Variants in MED14 observed in about 807,000 individuals in gnomAD.
MED14 encodes the protein mediator complex subunit 14.
A neutral mutation model predicts 109.0 loss-of-function variants in MED14; 8 were observed. The observed-to-expected ratio is 0.07, with a 90% confidence interval of 0.04 to 0.13. MED14 has a LOEUF of 0.13. Among genes scored for constraint, MED14 ranks in the 10% least tolerant of loss-of-function variants. The pLI, the probability that MED14 is intolerant of heterozygous loss-of-function variation, is 1.00. For missense variants in MED14, 711 were observed against 1,142.4 expected (o/e 0.62, Z 5.44); for synonymous variants, 399 against 408.7 (o/e 0.98, Z 0.29).
chrX:40,734,352 G>A (rs923428669), intron 1 of MED14, among the ~76,000 whole-genome samples: 2 of 112,381 alleles, frequency 1.8e-5, no homozygotes, highest in Non-Finnish European at 3.8e-5. Flanking sequence ...CTGCAAACAA[G>A]TATCTGTTAT....
chrX:40,723,770 C>T (rs1931812826), intron 3 of MED14, among the ~76,000 whole-genome samples: 3 of 97,276 alleles, frequency 3.1e-5, no homozygotes, highest in African/African-American at 1.2e-4. Flanking sequence ...TAAAAGAAGA[C>T]AAGAAGGAAG....
chrX:40,688,551 A>T (rs370716960), intron 15 of MED14, 21 bp from the exon 16 acceptor site: 1 of 1,102,507 alleles, frequency 9.1e-7, no homozygotes, highest in Non-Finnish European at 1.3e-6. Flanking sequence ...AAAAACAATT[A>T]TATCAGACGA....
chrX:40,668,291 G>A lies in MED14; in HGVS notation c.3134-1440C>T, dbSNP rs527289343. Among the ~76,000 whole-genome samples, 7 of 103,120 alleles carry A rather than the reference G, an allele frequency of 6.8e-5. No homozygotes were observed. The South Asian group carries it at 1.9e-3, about 27-fold the overall frequency. The allele number at this position is 103,120 out of a possible 115,157, so 89.5% of individuals were successfully genotyped here. A position where few individuals can be genotyped will look rare whatever the true frequency, so the allele number is the denominator to read the frequency against. ...CCAGCTACTCAGGAGGCTGAGGCAG[G>A]AGAATCACTTGAACCCAGAAGGCGG... On this transcript the variant is annotated intron_variant, in intron 23 of 30. Coordinates refer to ENST00000324817, the MANE Select transcript of MED14 (RefSeq NM_004229.4).
At chrX:40,653,079 A>C (rs1393721864) in intron 30 of MED14, among the ~76,000 whole-genome samples, 2 of 112,620 alleles carry the variant, frequency 1.8e-5, no homozygotes, top group African/African-American at 3.2e-5. Context: ...TAGGCAAGAA[A>C]ACTTGCTTGA....
chrX:40,680,993 C>A, intron 19 of MED14, 83 bp from the exon 20 acceptor site: 4 of 676,370 alleles, frequency 5.9e-6, no homozygotes, highest in African/African-American at 2.2e-5. Context: ...AAAAGTAAGG[C>A]AAAACGCCAA....
At chrX:40,722,387 G>C (rs1931752011) in intron 3 of MED14, among the ~76,000 whole-genome samples, 1 of 111,764 alleles carries the variant, frequency 8.9e-6, no homozygotes, top group African/African-American at 3.3e-5. Flanking sequence ...TAGTGAGCTT[G>C]AAGACAGGCT....
intron 28 of MED14, 35 bp downstream of exon 28, chrX:40,659,192 A>T: frequency 9.6e-7 from 1 of 1,045,046 alleles, no homozygotes; most frequent in South Asian, 2.3e-5. Context: ...CTCCTCAAAC[A>T]AACCTTGCTA....
At chrX:40,734,456 T>C (rs1367797026) in intron 1 of MED14, among the ~76,000 whole-genome samples, 2 of 112,529 alleles carry the variant, frequency 1.8e-5, no homozygotes, top group African/African-American at 3.2e-5. Flanking sequence ...AGTCTTGCAA[T>C]AGATAAAAAA....
chrX:40,702,032 G>A (rs1930954212), intron 11 of MED14, among the ~76,000 whole-genome samples: 3 of 111,742 alleles, frequency 2.7e-5, no homozygotes, highest in Non-Finnish European at 5.6e-5. Flanking sequence ...TCTCAGCCAT[G>A]TGAAGACACA....
intron 3 of MED14, among the ~76,000 whole-genome samples, chrX:40,725,697 A>C (rs188114102): frequency 8.9e-6 from 1 of 111,961 alleles, no homozygotes; most frequent in East Asian, 2.8e-4. Flanking sequence ...AATAAAAGCC[A>C]TATTTGACGG....
chrX:40,699,954 T>A (rs1374125999), intron 12 of MED14, among the ~76,000 whole-genome samples: 1 of 110,976 alleles, frequency 9.0e-6, no homozygotes, highest in Non-Finnish European at 1.9e-5. Flanking sequence ...TTGGGACCAG[T>A]CTGGCAAACA....
At chrX:40,735,595 G>C (rs771093342), upstream of MED14, 2 of 516,157 alleles carry the variant, frequency 3.9e-6, no homozygotes, top group African/African-American at 4.6e-5. Context: ...GAAGTCCGCC[G>C]ACCCCAGGGA....
chrX:40,719,844 G>C (rs1931653833), intron 3 of MED14, among the ~76,000 whole-genome samples: 1 of 111,935 alleles, frequency 8.9e-6, no homozygotes, highest in Non-Finnish European at 1.9e-5. Context: ...AGGAGAATGA[G>C]AGATATTTTA....
intron 3 of MED14, among the ~76,000 whole-genome samples, chrX:40,715,812 AG>A (rs1271746187): frequency 0.025 from 1,670 of 67,432 alleles, 565 homozygotes; most frequent in African/African-American, 0.079. Flanking sequence ...AAAAAAAAAA[AG>A]GACAGACAAC....
chrX:40,664,439 C>A lies in MED14; in HGVS notation c.3316G>T (p.Ala1106Ser), dbSNP rs777820338. 3.4e-6 allele frequency: 4 copies of A among 1,182,382 alleles called. No individual in the cohort carries two copies. The African/African-American group carries it at 5.4e-5, about 16-fold the overall frequency. ...TGAGGAGATCCTGGCCAGTTCCCTG[C>A]TCGTCCACTTGGTGACACCATAGTG... The part of the protein sequence containing the change: ...PYTMVSPSGR[A>S]GNWPGSPQVS... The change falls in exon 25 of 31, where the codon GCA becomes TCA. Residue 1106 changes from alanine to serine, a missense_variant. Physicochemically the swap from Ala to Ser is moderately conservative, Grantham distance 99. Coordinates refer to ENST00000324817, the MANE Select transcript of MED14 (RefSeq NM_004229.4).
chrX:40,732,249 C>T (rs1056540839), intron 1 of MED14, among the ~76,000 whole-genome samples: 2 of 112,630 alleles, frequency 1.8e-5, no homozygotes, highest in Non-Finnish European at 3.8e-5. Context: ...CTGGGCACAG[C>T]GGCTCACGCC....
chrX:40,674,533 GAGC>G (rs1193921264), intron 22 of MED14, among the ~76,000 whole-genome samples: 1 of 112,243 alleles, frequency 8.9e-6, no homozygotes, highest in Non-Finnish European at 1.9e-5. Flanking sequence ...ATGTGCCAAA[GAGC>G]CTTGCCTACA....
In MED14 at chrX:40,650,607, A is replaced by T. The variant is rs758813842; in HGVS notation, c.*1199T>A. ...TCCCTGACTGACTAGGAAAGACAGCACAGTGCTCCAAAAAGAAACCCTGCA... is the reference window on the plus strand; with the variant it reads ...TCCCTGACTGACTAGGAAAGACAGCTCAGTGCTCCAAAAAGAAACCCTGCA... On this transcript the variant is annotated 3_prime_UTR_variant, in exon 31 of 31. Coordinates refer to ENST00000324817, the MANE Select transcript of MED14 (RefSeq NM_004229.4). 239 of 752,343 alleles carry T rather than the reference A, an allele frequency of 3.2e-4. No individual in the cohort carries two copies. Among genetic ancestry groups the T allele is most frequent in the Non-Finnish European group, 3.6e-4 (231 of 638,953 alleles). The allele number at this position is 752,343 out of a possible 1,213,427, so 62.0% of individuals were successfully genotyped here.
At position 40,692,274 on chromosome X, in the gene MED14, C is replaced by T. The variant is rs1269074168; in HGVS notation, c.1889G>A (p.Arg630Gln). 5 of 1,198,032 alleles carry T rather than the reference C, an allele frequency of 4.2e-6. No homozygotes were observed. The highest frequency in any genetic ancestry group is 4.4e-5 in the Admixed American group (2 of 45,331). Residue 630 changes from arginine to glutamine, a missense_variant, in exon 15 of 31, where the codon CGA becomes CAA. This residue lies in a region of MED14 where 388 missense variants were observed against 517.3 expected (regional missense o/e 0.75). Transcript: ENST00000324817. ...ATTGAAGGCACACATTTCTCCTGCTCGTTTTGTTTTCTTGGATTCTACTGG... is the reference window on the plus strand; with the variant it reads ...ATTGAAGGCACACATTTCTCCTGCTTGTTTTGTTTTCTTGGATTCTACTGG... ...PCPVESKKTK[R>Q]AGEMCAFNKV...
Sources: gnomAD v4.1 joint callset for allele counts (sites outside exome capture counted in the v4.1 genomes callset) on GRCh38, gnomAD v4.1.1 for gene constraint, gnomAD v4.1.1 regional missense constraint, MANE v1.5 for transcripts, NCBI Gene and HGNC (gene_info 2026-07-23, HGNC 2026-07-21) for gene names.